Variants in TMEM150C observed in about 807,000 individuals in gnomAD.
TMEM150C encodes transmembrane protein 150C.
A neutral mutation model predicts 29.9 loss-of-function variants in TMEM150C; 10 were observed. The ratio of observed to expected loss-of-function variants is 0.33; its 90% CI spans 0.21 to 0.57. The LOEUF (loss-of-function observed/expected upper bound fraction) is 0.57. TMEM150C is among the 20% of genes least tolerant of loss of function. The pLI, the probability that TMEM150C is intolerant of heterozygous loss-of-function variation, is 0.88. For missense variants in TMEM150C, 251 were observed against 303.6 expected (o/e 0.83, Z 1.29); for synonymous variants, 101 against 112.5 (o/e 0.90, Z 0.64).
chr4:82,497,397 C>T (rs1476423185), intron 5 of TMEM150C, among the ~76,000 whole-genome samples: 1 of 152,114 alleles, frequency 6.6e-6, no homozygotes, highest in Non-Finnish European at 1.5e-5. Context: ...AAAGGTTTTA[C>T]TTTGATTACA....
intron 1 of TMEM150C, among the ~76,000 whole-genome samples, chr4:82,539,484 G>C (rs1015780294): frequency 6.7e-6 from 1 of 148,838 alleles, no homozygotes; most frequent in East Asian, 2.0e-4. Flanking sequence ...ACAGAGTCTC[G>C]CTCTGTCGCC....
At chr4:82,514,336 G>A (rs1348075382) in intron 1 of TMEM150C, among the ~76,000 whole-genome samples, 1 of 152,198 alleles carries the variant, frequency 6.6e-6, no homozygotes, top group African/African-American at 2.4e-5. Flanking sequence ...TCTGCTCCCT[G>A]TTCTACCGTG....
intron 1 of TMEM150C, among the ~76,000 whole-genome samples, chr4:82,509,317 G>A (rs1359084186): frequency 6.6e-6 from 1 of 152,118 alleles, no homozygotes; most frequent in Admixed American, 6.6e-5. Context: ...GTCTGCAGAG[G>A]CTCCCACTAT....
intron 1 of TMEM150C, among the ~76,000 whole-genome samples, chr4:82,558,289 C>T (rs72897906): frequency 0.035 from 5,290 of 152,168 alleles, 302 homozygotes; most frequent in African/African-American, 0.12. Flanking sequence ...ACATTTCAAG[C>T]GTTCAATAGC....
chr4:82,506,151 T>G, intron 1 of TMEM150C, among the ~76,000 whole-genome samples: 1 of 152,178 alleles, frequency 6.6e-6, no homozygotes, highest in African/African-American at 2.4e-5. Flanking sequence ...ACTGCCCCAT[T>G]TGTGAATACC....
upstream of TMEM150C, chr4:82,562,195 C>A (rs548421051): frequency 7.8e-7 from 1 of 1,284,162 alleles, no homozygotes; most frequent in East Asian, 5.8e-5. Flanking sequence ...GCGGGCGAGC[C>A]GCTTCCTTCC....
At chr4:82,538,441 T>C (rs1725083606) in intron 1 of TMEM150C, among the ~76,000 whole-genome samples, 1 of 152,216 alleles carries the variant, frequency 6.6e-6, no homozygotes, top group Admixed American at 6.5e-5. Flanking sequence ...ATAGTGTACC[T>C]ATAATTAATT....
Position 82,505,751 on chromosome 4 carries a change from C to T in TMEM150C, c.-10-1084G>A, listed in dbSNP as rs140616346. On this transcript the variant is annotated intron_variant, in intron 1 of 7. Transcript: ENST00000449862. ...GACTGAAAAAAATACATATGTCTGGCGTTTTGGAGGTTACAAAAATATAGA... is the reference window on the plus strand; with the variant it reads ...GACTGAAAAAAATACATATGTCTGGTGTTTTGGAGGTTACAAAAATATAGA... Among the ~76,000 whole-genome samples the T allele has an allele frequency of 8.5e-5, 13 of 152,102 alleles. No homozygotes were observed. In the East Asian group the frequency reaches 2.3e-3, roughly 27 times the overall value.
At chr4:82,534,667 C>T (rs2110084513) in intron 1 of TMEM150C, among the ~76,000 whole-genome samples, 1 of 152,244 alleles carries the variant, frequency 6.6e-6, no homozygotes, top group South Asian at 2.1e-4. Flanking sequence ...TTTACAGATG[C>T]CCATCTTATA....
intron 1 of TMEM150C, among the ~76,000 whole-genome samples, chr4:82,542,954 A>G (rs1000375933): frequency 6.6e-6 from 1 of 152,262 alleles, no homozygotes; most frequent in African/African-American, 2.4e-5. Flanking sequence ...TTATGTGAAT[A>G]GCACTTTGCA....
chr4:82,543,018 G>A (rs1725243310), intron 1 of TMEM150C, among the ~76,000 whole-genome samples: 1 of 152,156 alleles, frequency 6.6e-6, no homozygotes, highest in African/African-American at 2.4e-5. Context: ...CTTACTATGT[G>A]CCTGGCACAA....
intron 6 of TMEM150C, among the ~76,000 whole-genome samples, chr4:82,490,439 C>T (rs1168489143): frequency 6.6e-6 from 1 of 152,162 alleles, no homozygotes; most frequent in Non-Finnish European, 1.5e-5. Context: ...ATAATACCCC[C>T]AACCCTTAAA....
chr4:82,557,584 C>A (rs1447211336), intron 1 of TMEM150C, among the ~76,000 whole-genome samples: 1 of 151,992 alleles, frequency 6.6e-6, no homozygotes, highest in Non-Finnish European at 1.5e-5. Context: ...ACACGAGGGG[C>A]CAGGCATCTA....
intron 1 of TMEM150C, among the ~76,000 whole-genome samples, chr4:82,537,406 G>A (rs1032624379): frequency 6.6e-6 from 1 of 152,170 alleles, no homozygotes; most frequent in African/African-American, 2.4e-5. Context: ...AGACAAATGG[G>A]TATTCTCCAT....
At chr4:82,532,626 A>G (rs1221586991) in intron 1 of TMEM150C, among the ~76,000 whole-genome samples, 3 of 152,206 alleles carry the variant, frequency 2.0e-5, no homozygotes, top group Non-Finnish European at 4.4e-5. Context: ...GTATGTATAT[A>G]CATACATCTA....
At chr4:82,504,746 C>T (rs1207188867) in intron 1 of TMEM150C, 79 bp from the exon 2 acceptor site, 2 of 1,248,052 alleles carry the variant, frequency 1.6e-6, no homozygotes, top group South Asian at 1.3e-5. Context: ...TTTAGTCTAA[C>T]TGGGCCAAGC....
In TMEM150C at chr4:82,496,173, G is replaced by A. The variant is rs1320838726; in HGVS notation, c.258C>T (p.Arg86=). The A allele has an allele frequency of 1.9e-6, 3 of 1,613,912 alleles. No individual in the cohort carries two copies. Among genetic ancestry groups the A allele is most frequent in the Admixed American group, 1.7e-5 (1 of 60,024 alleles). ...AAACCTTCGGTTTCAGTTGTATGAA[G>A]CGCAGAACAGCTACCACAAGGGCTA... ...AFLALVVAVL[R]FIQLKPKVLN... is the part of the protein sequence containing the mutation. Residue 86 remains arginine (R), a synonymous_variant, in exon 6 of 8, where the codon CGC becomes CGT. Transcript: ENST00000449862.
At chr4:82,543,402 T>C (rs889467540) in intron 1 of TMEM150C, among the ~76,000 whole-genome samples, 37 of 152,164 alleles carry the variant, frequency 2.4e-4, no homozygotes, top group African/African-American at 8.9e-4. Flanking sequence ...AATAAATAAC[T>C]TATCCAAGCA....
rs376640907 is a variant in TMEM150C, at chr4:82,508,767, G to A, written c.-10-4100C>T. Among the ~76,000 whole-genome samples, 17 of 151,900 alleles carry A rather than the reference G, an allele frequency of 1.1e-4. 1 individual carries two copies. Among genetic ancestry groups the A allele is most frequent in the African/African-American group, 3.1e-4 (13 of 41,470 alleles). On this transcript the variant is annotated intron_variant, in intron 1 of 7. Transcript: ENST00000449862. ...AGGTGTGAGCCACTGCACCTGGCCC[G>A]TACTTCTTTTTTATTCTACATAATA... is the stretch of plus-strand genomic sequence containing the variant.
Sources: allele counts gnomAD v4.1 joint callset (sites outside exome capture counted in the v4.1 genomes callset), GRCh38; gene constraint gnomAD v4.1.1; transcripts MANE v1.5; gene names NCBI Gene and HGNC (gene_info 2026-07-23, HGNC 2026-07-21).